ANKMY1: variants seen among roughly 807,000 people sequenced by gnomAD.
ANKMY1 encodes ankyrin repeat and MYND domain containing 1, also known as ankyrin repeat and MYND domain-containing protein 1.
ANKMY1 carries 98 observed loss-of-function variants against 102.0 expected under a neutral mutation model. The ratio of observed to expected loss-of-function variants is 0.96; its 90% CI spans 0.82 to 1.14. The LOEUF is 1.14. Among genes scored for constraint, ANKMY1 ranks in the 50% most tolerant of loss-of-function variants. The pLI is 0.00. For synonymous variants in ANKMY1, 582 were observed against 559.9 expected (o/e 1.04, Z -0.56); for missense variants, 1,330 against 1,347.6 (o/e 0.99, Z 0.20).
chr2:240,491,432 A>T (rs1439603567), intron 15 of ANKMY1, among the ~76,000 whole-genome samples: 1 of 151,946 alleles, frequency 6.6e-6, no homozygotes, highest in East Asian at 1.9e-4. Flanking sequence ...ATACTTTGGC[A>T]TTGTGCTTTG....
At chr2:240,495,147 A>G (rs2077083017) in intron 15 of ANKMY1, among the ~76,000 whole-genome samples, 1 of 152,162 alleles carries the variant, frequency 6.6e-6, no homozygotes, top group African/African-American at 2.4e-5. Flanking sequence ...GTCTAGCGGT[A>G]ACACCAGTGT....
At chr2:240,560,586 C>T (rs975852989), upstream of ANKMY1, 3 of 1,323,532 alleles carry the variant, frequency 2.3e-6, no homozygotes, top group South Asian at 3.9e-5. Flanking sequence ...CGGGGGCGCC[C>T]GGCGGCCCGC....
At chr2:240,525,964 T>C in intron 6 of ANKMY1, 115 bp from the exon 7 acceptor site, 3 of 1,335,766 alleles carry the variant, frequency 2.2e-6, no homozygotes, top group Non-Finnish European at 3.1e-6. Context: ...CAGGAACCAG[T>C]GCTCATTCGG....
chr2:240,502,480 G>A (rs1356371794), intron 13 of ANKMY1, among the ~76,000 whole-genome samples: 4 of 151,974 alleles, frequency 2.6e-5, no homozygotes, highest in Non-Finnish European at 5.9e-5. Context: ...CAACCCCTGG[G>A]AGTCACTGGG....
At position 240,542,063 on chromosome 2, in the gene ANKMY1, C is replaced by T. The variant is rs141364680; in HGVS notation, c.480+10851G>A. ...CAACTACTAAAAATACAAAAATTAG[C>T]TGGGCGTAGTGGCGTTCGCCTGTAA... On this transcript the variant is annotated intron_variant, in intron 4 of 17. Coordinates refer to ENST00000401804, the MANE Select transcript of ANKMY1 (RefSeq NM_001282771.3). Among the ~76,000 whole-genome samples, 992 of 152,126 alleles carry T rather than the reference C, an allele frequency of 6.5e-3. 13 individuals are homozygous for T. Among genetic ancestry groups the T allele is most frequent in the East Asian group, 0.029 (147 of 5,116 alleles).
downstream of ANKMY1, among the ~76,000 whole-genome samples, chr2:240,475,127 G>A (rs568800073): frequency 1.3e-5 from 2 of 152,180 alleles, no homozygotes; most frequent in Non-Finnish European, 2.9e-5. Flanking sequence ...ACTGGTGTGA[G>A]ATGGTATCAT....
intron 3 of ANKMY1, chr2:240,553,295 T>C: frequency 1.3e-5 from 7 of 545,996 alleles, no homozygotes; most frequent in Admixed American, 9.5e-5. Flanking sequence ...GGTGGGGGAC[T>C]GTGGGGAGGC....
intron 15 of ANKMY1, among the ~76,000 whole-genome samples, chr2:240,492,015 C>T (rs944737918): frequency 6.0e-5 from 9 of 151,024 alleles, no homozygotes; most frequent in African/African-American, 1.9e-4. Context: ...AAAAAAAAAA[C>T]TGATTTATTT....
At chr2:240,471,238 C>T in the ANKMY1 span, among the ~76,000 whole-genome samples, 2 of 151,326 alleles carry the variant, frequency 1.3e-5, no homozygotes, top group Non-Finnish European at 2.9e-5. Context: ...ATCACAACGC[C>T]TCAGGGACAG....
intron 6 of ANKMY1, 124 bp from the exon 7 acceptor site, chr2:240,525,973 G>C (rs893397225): frequency 7.8e-7 from 1 of 1,284,736 alleles, no homozygotes; most frequent in Non-Finnish European, 1.1e-6. Context: ...GTGCTCATTC[G>C]GGAGCTTGGC....
rs1168015315 is a variant in ANKMY1, at chr2:240,499,403, G to A, written c.2806+555C>T. On this transcript the variant is annotated intron_variant, in intron 15 of 17. Coordinates refer to ENST00000401804, the MANE Select transcript of ANKMY1 (RefSeq NM_001282771.3). The surrounding 1 kb of genome is among the most constrained non-coding windows in gnomAD (Gnocchi z 4.2). Reference sequence around the variant, plus strand: ...GGGGGTAGGGAGTGACTATGTGGGGGTGGGGGTGACCAGGTGGGTGGGAGG... The same window carrying A: ...GGGGGTAGGGAGTGACTATGTGGGGATGGGGGTGACCAGGTGGGTGGGAGG... 1.4e-5 allele frequency among the ~76,000 whole-genome samples: 2 copies of A among 144,638 alleles called. No individual in the cohort carries two copies. Among genetic ancestry groups the A allele is most frequent in the African/African-American group, 5.2e-5 (2 of 38,822 alleles). 94.9% of individuals were successfully genotyped at this position (144,638 alleles called of 152,430 possible).
upstream of ANKMY1, chr2:240,560,892 G>A (rs762539689): frequency 2.0e-6 from 3 of 1,518,046 alleles, no homozygotes; most frequent in South Asian, 1.2e-5. Flanking sequence ...GCGCGTGCCC[G>A]TGTTCGACGA....
chr2:240,520,275 C>A lies in ANKMY1; in HGVS notation c.2004+87G>T, dbSNP rs1453209442. 6.7e-7 allele frequency: 1 copy of A among 1,491,048 alleles called. No individual in the cohort carries two copies. Among genetic ancestry groups the A allele is most frequent in the Non-Finnish European group, 9.0e-7 (1 of 1,110,634 alleles). The allele number at this position is 1,491,048 out of a possible 1,614,324, so 92.4% of individuals were successfully genotyped here. A position where few individuals can be genotyped will look rare whatever the true frequency, so the allele number is the denominator to read the frequency against. Reference sequence around the variant, plus strand: ...GCCTGCAAGAGCCCACCCCTCTCTTCCGCGCCTAGGTGGAGCGAGGAGCTT... The same window carrying A: ...GCCTGCAAGAGCCCACCCCTCTCTTACGCGCCTAGGTGGAGCGAGGAGCTT... On this transcript the variant is annotated intron_variant, in intron 9 of 17. Coordinates refer to ENST00000401804, the MANE Select transcript of ANKMY1 (RefSeq NM_001282771.3). This position sits in a 1 kb window ranked among gnomAD's most constrained non-coding sequence, Gnocchi z 4.8.
intron 3 of ANKMY1, 29 bp downstream of exon 3, chr2:240,554,837 G>A (rs2092100860): frequency 6.2e-7 from 1 of 1,612,122 alleles, no homozygotes; most frequent in South Asian, 1.1e-5. Flanking sequence ...CCCTAGGGGA[G>A]GAGGCGGAGA....
chr2:240,559,656 G>A (rs1055487938), upstream of ANKMY1, among the ~76,000 whole-genome samples: 3 of 152,198 alleles, frequency 2.0e-5, no homozygotes, highest in African/African-American at 7.2e-5. Flanking sequence ...TAGGGTGGAG[G>A]AAGTGGGAAA....
At chr2:240,485,257 G>T (rs1335303956) in intron 15 of ANKMY1, among the ~76,000 whole-genome samples, 15 of 152,154 alleles carry the variant, frequency 9.9e-5, no homozygotes, top group Middle Eastern at 3.4e-3. Context: ...GAACCCGGGA[G>T]GTGGAGCTTG....
At chr2:240,554,143 CCCAGCCCCAGTG>C in intron 3 of ANKMY1, 4 of 152,418 alleles carry the variant, frequency 2.6e-5, no homozygotes, top group African/African-American at 9.6e-5. Context: ...CCCCAAGGGA[CCCAGCCCCAGTG>C]CCTGGGCCAG....
intron 16 of ANKMY1, 30 bp from the exon 17 acceptor site, chr2:240,481,127 GC>G (rs1559221858): frequency 1.3e-6 from 2 of 1,596,334 alleles, no homozygotes; most frequent in Admixed American, 1.7e-5. Flanking sequence ...TCAGCAGGCG[GC>G]CACTCCAGAA....
chr2:240,478,280 G>A (rs941101597), downstream of ANKMY1, among the ~76,000 whole-genome samples: 1 of 152,208 alleles, frequency 6.6e-6, no homozygotes, highest in Admixed American at 6.5e-5. Flanking sequence ...GTAGCAGTGC[G>A]AGAATGGACT....
Sources: allele counts gnomAD v4.1 joint callset (sites outside exome capture counted in the v4.1 genomes callset), GRCh38; gene constraint gnomAD v4.1.1; non-coding constraint Gnocchi (gnomAD v3.1); transcripts MANE v1.5; gene names NCBI Gene and HGNC (gene_info 2026-07-23, HGNC 2026-07-21).